ARHGAP26: variants seen among roughly 807,000 people sequenced by gnomAD.
ARHGAP26 encodes the protein rho GTPase-activating protein 26.
ARHGAP26 carries 38 observed loss-of-function variants against 104.8 expected under a neutral mutation model. The observed-to-expected ratio is 0.36, with a 90% CI of 0.28 to 0.48. ARHGAP26 has a LOEUF of 0.48. Among genes scored for constraint, ARHGAP26 ranks in the 20% least tolerant of loss-of-function variants. The probability of loss-of-function intolerance (pLI) is 0.99; values close to 1 mark genes in which losing one functional copy is unlikely to be tolerated. For missense variants in ARHGAP26, 704 were observed against 947.9 expected, an observed-to-expected ratio of 0.74 and a Z score of 3.38; for synonymous variants, 341 against 340.0, an observed-to-expected ratio of 1.00 and a Z score of -0.03.
chr5:142,982,178 A>C (rs529738838), intron 11 of ARHGAP26, among the ~76,000 whole-genome samples: 5 of 152,234 alleles, frequency 3.3e-5, no homozygotes, highest in African/African-American at 1.2e-4. Flanking sequence ...ACACCTCCCC[A>C]TCCCCCAAGG....
intron 17 of ARHGAP26, among the ~76,000 whole-genome samples, chr5:143,069,571 G>T (rs1340755300): frequency 2.6e-5 from 4 of 152,178 alleles, no homozygotes; most frequent in Admixed American, 2.6e-4. Flanking sequence ...TGTCTTTCTT[G>T]ATAGGACCAC....
chr5:142,841,548 C>T (rs1770805412), intron 1 of ARHGAP26, among the ~76,000 whole-genome samples: 1 of 152,322 alleles, frequency 6.6e-6, no homozygotes, highest in East Asian at 1.9e-4. Context: ...TGTTTAGTCA[C>T]ACTGAGTGCG....
intron 8 of ARHGAP26, among the ~76,000 whole-genome samples, chr5:142,904,667 C>T (rs933232883): frequency 6.6e-5 from 10 of 152,112 alleles, no homozygotes; most frequent in African/African-American, 1.2e-4. Context: ...GTGATGGGGC[C>T]GTGCCGTTTA....
chr5:143,141,441 C>T (rs758296569), intron 19 of ARHGAP26, among the ~76,000 whole-genome samples: 20 of 152,188 alleles, frequency 1.3e-4, no homozygotes, highest in African/African-American at 2.7e-4. Context: ...ACAACTGGAG[C>T]GTGGCCCATA....
At chr5:142,909,112 A>G (rs2152472163) in intron 9 of ARHGAP26, among the ~76,000 whole-genome samples, 1 of 152,252 alleles carries the variant, frequency 6.6e-6, no homozygotes. Context: ...CTCACCAATT[A>G]TCCCTTTGAG....
chr5:143,102,434 C>G (rs1168009967), intron 17 of ARHGAP26, among the ~76,000 whole-genome samples: 1 of 152,218 alleles, frequency 6.6e-6, no homozygotes, highest in Non-Finnish European at 1.5e-5. Context: ...TTTGACTCTC[C>G]TAGAACAAGT....
intron 11 of ARHGAP26, among the ~76,000 whole-genome samples, chr5:143,013,518 G>A (rs538437494): frequency 9.2e-5 from 14 of 152,266 alleles, no homozygotes; most frequent in African/African-American, 3.4e-4. Flanking sequence ...ATTTCTAGAA[G>A]TATGTAGAGT....
At chr5:143,196,784 G>A (rs1196608114) in intron 20 of ARHGAP26, among the ~76,000 whole-genome samples, 3 of 152,178 alleles carry the variant, frequency 2.0e-5, no homozygotes, top group Admixed American at 6.5e-5. Context: ...AAACAAGAAG[G>A]CAGAGCTTTG....
intron 17 of ARHGAP26, among the ~76,000 whole-genome samples, chr5:143,094,804 T>C (rs915168382): frequency 6.6e-6 from 1 of 152,046 alleles, no homozygotes; most frequent in Admixed American, 6.6e-5. Context: ...AAAATGGCTA[T>C]GACAGAGCAG....
chr5:143,209,597 G>A (rs1208996283), intron 21 of ARHGAP26, among the ~76,000 whole-genome samples: 1 of 152,056 alleles, frequency 6.6e-6, no homozygotes, highest in African/African-American at 2.4e-5. Context: ...CCTGGACAAC[G>A]TGACAAAACC....
intron 11 of ARHGAP26, among the ~76,000 whole-genome samples, chr5:143,013,230 T>C (rs539394671): frequency 6.6e-6 from 1 of 152,356 alleles, no homozygotes; most frequent in African/African-American, 2.4e-5. Flanking sequence ...TCAAATATTA[T>C]TAGTTTTTAA....
At chr5:142,838,198 C>T (rs1260824422) in intron 1 of ARHGAP26, among the ~76,000 whole-genome samples, 2 of 151,526 alleles carry the variant, frequency 1.3e-5, no homozygotes, top group Admixed American at 6.6e-5. Flanking sequence ...GCAAAGGTTG[C>T]AGTGAGCTGA....
chr5:142,871,557 C>T lies in ARHGAP26; in HGVS notation c.155-1843C>T, dbSNP rs2152349682. Among the ~76,000 whole-genome samples, 1 of 152,364 alleles carries T rather than the reference C, an allele frequency of 6.6e-6. No homozygotes were observed. The highest frequency in any genetic ancestry group is 6.5e-5 in the Admixed American group (1 of 15,314). ...ACTAAAATGGGAATGTGTATAACCA[C>T]ACCCACATTTGATGCACACACATTT... On this transcript the variant is annotated intron_variant, in intron 1 of 22. Transcript: ENST00000645722. This position sits in a 1 kb window ranked among gnomAD's most constrained non-coding sequence, Gnocchi z 4.1.
intron 17 of ARHGAP26, among the ~76,000 whole-genome samples, chr5:143,080,199 G>T (rs1057204804): frequency 6.6e-6 from 1 of 152,120 alleles, no homozygotes; most frequent in Non-Finnish European, 1.5e-5. Flanking sequence ...CTAGGCATGG[G>T]GATATAGCAG....
intron 17 of ARHGAP26, among the ~76,000 whole-genome samples, chr5:143,070,766 C>T (rs376875132): frequency 4.6e-5 from 7 of 152,030 alleles, no homozygotes; most frequent in South Asian, 2.1e-4. Flanking sequence ...AAAAATTAGC[C>T]GGGCATGGTG....
chr5:143,031,760 G>A (rs1197039697), intron 12 of ARHGAP26, among the ~76,000 whole-genome samples: 2 of 151,990 alleles, frequency 1.3e-5, no homozygotes, highest in East Asian at 3.8e-4. Context: ...AGACAGTCTT[G>A]CCCAGGCTGG....
At chr5:142,917,246 C>T (rs932716244) in intron 10 of ARHGAP26, among the ~76,000 whole-genome samples, 11 of 152,110 alleles carry the variant, frequency 7.2e-5, no homozygotes, top group African/African-American at 2.4e-4. Flanking sequence ...GCCATGTTGA[C>T]CAGGCTGGTC....
chr5:143,213,691 G>A (rs1809869285), intron 21 of ARHGAP26, among the ~76,000 whole-genome samples: 1 of 152,164 alleles, frequency 6.6e-6, no homozygotes, highest in Non-Finnish European at 1.5e-5. Context: ...CAAAAATGGG[G>A]CCCAGCCTGC....
chr5:143,115,269 GT>G (rs1227924073), intron 17 of ARHGAP26, among the ~76,000 whole-genome samples: 1 of 151,880 alleles, frequency 6.6e-6, no homozygotes, highest in Non-Finnish European at 1.5e-5. Flanking sequence ...GGAGGCGGAG[GT>G]TGCAGTGAGC....
Sources: gnomAD v4.1 joint callset for allele counts (sites outside exome capture counted in the v4.1 genomes callset) on GRCh38, gnomAD v4.1.1 for gene constraint, Gnocchi (gnomAD v3.1) non-coding constraint, MANE v1.5 for transcripts, NCBI Gene and HGNC (gene_info 2026-07-23, HGNC 2026-07-21) for gene names.